The following NEXMIF variants were observed in gnomAD, a reference collection of about 807,000 sequenced individuals.
The protein encoded by NEXMIF is neurite extension and migration factor.
A neutral mutation model predicts 62.1 loss-of-function variants in NEXMIF; 8 were observed. That is an observed-to-expected ratio of 0.13 (90% CI 0.08 to 0.23). The LOEUF is 0.23. NEXMIF is among the 10% of genes least tolerant of loss of function. NEXMIF has a pLI of 1.00. For missense variants in NEXMIF, 976 were observed against 1,113.3 expected, an observed-to-expected ratio of 0.88 and a Z score of 1.75; for synonymous variants, 404 against 416.6, an observed-to-expected ratio of 0.97 and a Z score of 0.37.
Position 74,748,109 on chromosome X carries a change from C to T in NEXMIF, c.-47-2412G>A, listed in dbSNP as rs77639171. ...AGGTTGAGAACAGAGAGGAGATACA[C>T]TTTGGCAAAAGATAAAGAAGAGGTA... On this transcript the variant is annotated intron_variant, in intron 1 of 3. Coordinates refer to ENST00000055682, the MANE Select transcript of NEXMIF (RefSeq NM_001008537.3). Among the ~76,000 whole-genome samples the T allele has an allele frequency of 3.7e-3, 412 of 112,266 alleles. 2 individuals carry two copies. Among genetic ancestry groups the T allele is most frequent in the Admixed American group, 7.1e-3 (75 of 10,576 alleles).
chrX:74,837,291 T>G (rs1435853036), intron 1 of NEXMIF, among the ~76,000 whole-genome samples: 1 of 111,864 alleles, frequency 8.9e-6, no homozygotes, highest in Non-Finnish European at 1.9e-5. Flanking sequence ...TTTGTGACAG[T>G]GCTTTCTGTG....
intron 1 of NEXMIF, among the ~76,000 whole-genome samples, chrX:74,829,863 C>A (rs1421958655): frequency 9.0e-6 from 1 of 111,731 alleles, no homozygotes; most frequent in Non-Finnish European, 1.9e-5. Flanking sequence ...TTGGAAATGT[C>A]TGTTCAAATC....
intron 1 of NEXMIF, among the ~76,000 whole-genome samples, chrX:74,760,619 G>T (rs1323673738): frequency 1.8e-5 from 2 of 111,319 alleles, no homozygotes; most frequent in Admixed American, 9.6e-5. Flanking sequence ...TTTTAACAAA[G>T]CCTTTTCTGC....
intron 1 of NEXMIF, among the ~76,000 whole-genome samples, chrX:74,921,586 G>A (rs914916105): frequency 2.7e-5 from 3 of 111,342 alleles, no homozygotes; most frequent in Non-Finnish European, 5.6e-5. Context: ...TTGTTTTCAA[G>A]CAGCCCTGGA....
At chrX:74,908,243 A>T (rs1266198334) in intron 1 of NEXMIF, among the ~76,000 whole-genome samples, 1 of 111,961 alleles carries the variant, frequency 8.9e-6, no homozygotes, top group Non-Finnish European at 1.9e-5. Context: ...CTTTCATTTC[A>T]AAGTGTAATC....
rs747672466 is a variant in NEXMIF, at chrX:74,741,981, T to C, written c.2576A>G (p.Gln859Arg). 5.0e-6 allele frequency: 6 copies of C among 1,209,702 alleles called. No homozygotes were observed. The highest frequency in any genetic ancestry group is 4.4e-5 in the Admixed American group (2 of 45,731). The change falls in exon 3 of 4, where the codon CAG (glutamine) becomes CGG (arginine). Residue 859 changes from glutamine (Q) to arginine (R), a missense_variant. Physicochemically the swap from Gln to Arg is conservative, Grantham distance 43 (BLOSUM62 1). Around this residue, in one of 5 missense-constraint regions of NEXMIF, gnomAD observed 639 missense variants for 694.5 expected, o/e 0.92. Coordinates refer to ENST00000055682, the MANE Select transcript of NEXMIF (RefSeq NM_001008537.3). ...EKSFVPLQPT[Q>R]DCVLTSSSDS... ...AGAGGATGAGGTGAGCACACAGTCCTGGGTAGGCTGGAGGGGTACAAATGA... is the reference window on the plus strand; with the variant it reads ...AGAGGATGAGGTGAGCACACAGTCCCGGGTAGGCTGGAGGGGTACAAATGA...
At chrX:74,875,533 C>G (rs953287492) in intron 1 of NEXMIF, among the ~76,000 whole-genome samples, 1 of 111,990 alleles carries the variant, frequency 8.9e-6, no homozygotes, top group African/African-American at 3.3e-5. Flanking sequence ...AGGAGTCCCT[C>G]TTTTTCTATT....
intron 1 of NEXMIF, among the ~76,000 whole-genome samples, chrX:74,873,696 G>C (rs988774236): frequency 7.1e-5 from 8 of 112,171 alleles, no homozygotes; most frequent in Non-Finnish European, 1.5e-4. Flanking sequence ...ACTGGTGTGA[G>C]ATGGTGATCT....
At chrX:74,755,576 T>G (rs1316202286) in intron 1 of NEXMIF, among the ~76,000 whole-genome samples, 3 of 110,744 alleles carry the variant, frequency 2.7e-5, no homozygotes, top group East Asian at 5.7e-4. Context: ...GAAAAATAAA[T>G]AAATAAATAA....
At chrX:74,763,316 A>G (rs1602220245) in intron 1 of NEXMIF, among the ~76,000 whole-genome samples, 1 of 111,308 alleles carries the variant, frequency 9.0e-6, no homozygotes, top group African/African-American at 3.3e-5. Flanking sequence ...GTTCTGTTCC[A>G]TTGGTCTATA....
At chrX:74,749,813 A>C (rs2080136624) in intron 1 of NEXMIF, among the ~76,000 whole-genome samples, 1 of 111,889 alleles carries the variant, frequency 8.9e-6, no homozygotes, top group Non-Finnish European at 1.9e-5. Flanking sequence ...CAAAAGACTA[A>C]GCACCAACAC....
At chrX:74,739,971 G>T (rs1470927525) in intron 3 of NEXMIF, 129 bp downstream of exon 3, 8 of 557,306 alleles carry the variant, frequency 1.4e-5, no homozygotes, top group Non-Finnish European at 2.2e-5. Context: ...CTTTGAAAAA[G>T]AAGGGAATGG....
intron 1 of NEXMIF, among the ~76,000 whole-genome samples, chrX:74,814,460 T>A (rs949544494): frequency 8.9e-6 from 1 of 111,817 alleles, no homozygotes; most frequent in African/African-American, 3.3e-5. Context: ...ACTACAGACC[T>A]AGACTTAAGT....
At chrX:74,908,972 C>T (rs189376663) in intron 1 of NEXMIF, among the ~76,000 whole-genome samples, 1,855 of 111,619 alleles carry the variant, frequency 0.017, 20 homozygotes, top group Non-Finnish European at 0.028. Flanking sequence ...TTTCACCTCC[C>T]GCCATGATTC....
Position 74,742,994 on chromosome X carries a change from A to G in NEXMIF, c.1563T>C (p.Asp521=). 8.3e-7 allele frequency: 1 copy of G among 1,211,423 alleles called. No homozygotes were observed. The highest frequency in any genetic ancestry group is 1.1e-6 in the Non-Finnish European group (1 of 895,385). ...TTCTTCTCTTTTTGGGACACCATTC[A>G]TCATCATCTTCCTCTTTGGAACCAA... ...LPVGSKEEDD[D]EWCPKKRRKV... Residue 521 remains aspartate (D), a synonymous_variant, in exon 3 of 4, where the codon GAT becomes GAC. Transcript: ENST00000055682.
At chrX:74,850,916 G>A (rs1183790037) in intron 1 of NEXMIF, among the ~76,000 whole-genome samples, 2 of 110,105 alleles carry the variant, frequency 1.8e-5, no homozygotes, top group Non-Finnish European at 3.8e-5. Context: ...TAAAAGTGTT[G>A]ATATTAAAAA....
Position 74,741,961 on chromosome X carries a change from A to G in NEXMIF, c.2596T>C (p.Ser866Pro). ...GACTGCTGCAGCTCAGAGTCAGAGGATGAGGTGAGCACACAGTCCTGGGTA... is the reference window on the plus strand; with the variant it reads ...GACTGCTGCAGCTCAGAGTCAGAGGGTGAGGTGAGCACACAGTCCTGGGTA... ...QPTQDCVLTS[S>P]SDSELQQSSH... Residue 866 changes from serine (S) to proline (P), a missense_variant, in exon 3 of 4, where the codon TCC becomes CCC. Transcript: ENST00000055682. The G allele has an allele frequency of 1.7e-6, 2 of 1,211,471 alleles. No homozygotes were observed. Among genetic ancestry groups the G allele is most frequent in the Non-Finnish European group, 2.2e-6 (2 of 895,291 alleles).
chrX:74,844,106 G>A (rs2080483617), intron 1 of NEXMIF, among the ~76,000 whole-genome samples: 1 of 111,398 alleles, frequency 9.0e-6, no homozygotes, highest in African/African-American at 3.3e-5. Flanking sequence ...TTAAATATAG[G>A]CTCCCAGTCT....
chrX:74,796,847 T>A (rs1216934977), intron 1 of NEXMIF, among the ~76,000 whole-genome samples: 1 of 111,799 alleles, frequency 8.9e-6, no homozygotes, highest in Admixed American at 9.6e-5. Context: ...TACTCCCCTT[T>A]CAAGGAGGTA....
Sources: allele counts gnomAD v4.1 joint callset (sites outside exome capture counted in the v4.1 genomes callset), GRCh38; gene constraint gnomAD v4.1.1; regional missense constraint gnomAD v4.1.1; transcripts MANE v1.5; gene names NCBI Gene and HGNC (gene_info 2026-07-23, HGNC 2026-07-21).